MYO7A: variants seen among roughly 807,000 people sequenced by gnomAD.
The protein encoded by MYO7A is myosin VIIA.
A neutral mutation model predicts 263.8 loss-of-function variants in MYO7A; 210 were observed. The ratio of observed to expected loss-of-function variants is 0.80; its 90% CI spans 0.71 to 0.89. The LOEUF (loss-of-function observed/expected upper bound fraction) is 0.89, where lower values mean the gene tolerates loss of function less well. MYO7A is among the 40% of genes least tolerant of loss of function. The pLI is 0.00. For missense variants in MYO7A, 2,820 were observed against 2,968.3 expected (o/e 0.95, Z 1.16); for synonymous variants, 1,239 against 1,197.3 (o/e 1.03, Z -0.72).
intron 14 of MYO7A, among the ~76,000 whole-genome samples, chr11:77,163,355 G>T (rs1555070512): frequency 6.6e-6 from 1 of 152,108 alleles, no homozygotes; most frequent in East Asian, 1.9e-4. Context: ...ATATGCTATG[G>T]CCATACATCG....
At chr11:77,130,772 C>A in intron 2 of MYO7A, 120 bp downstream of exon 2, 1 of 1,128,742 alleles carries the variant, frequency 8.9e-7, no homozygotes, top group Non-Finnish European at 1.3e-6. Flanking sequence ...GCCTAGGCTT[C>A]CAAACCCAGC....
rs1369655767 is a variant in MYO7A at position 77,138,519 on chromosome 11, G to T, written c.19-4190G>T. Among the ~76,000 whole-genome samples, 2 of 152,230 alleles carry T rather than the reference G, an allele frequency of 1.3e-5. No individual in the cohort carries two copies. The highest frequency in any genetic ancestry group is 1.9e-4 in the East Asian group (1 of 5,196). ...AGCTGGGCGGGCCACAAACAGGGTCGCTAGGCTTCAGGGTGTGCATGGACT... is the reference window on the plus strand; with the variant it reads ...AGCTGGGCGGGCCACAAACAGGGTCTCTAGGCTTCAGGGTGTGCATGGACT... On this transcript the variant is annotated intron_variant, in intron 2 of 48. Coordinates refer to ENST00000409709, the MANE Select transcript of MYO7A (RefSeq NM_000260.4). This position sits in a 1 kb window ranked among gnomAD's most constrained non-coding sequence, Gnocchi z 4.9.
chr11:77,163,128 C>CCATTTTAGTCAAGTTCA, intron 14 of MYO7A, 140 bp downstream of exon 14: 1 of 901,912 alleles, frequency 1.1e-6, no homozygotes, highest in South Asian at 2.1e-5. Flanking sequence ...ATGAACTTGA[C>CCATTTTAGTCAAGTTCA]TAAAATGGCC....
intron 4 of MYO7A, among the ~76,000 whole-genome samples, chr11:77,155,568 A>G (rs1390901953): frequency 6.6e-6 from 1 of 152,256 alleles, no homozygotes; most frequent in Non-Finnish European, 1.5e-5. Flanking sequence ...CAGAGTACCT[A>G]GTGTGTGCCA....
intron 18 of MYO7A, 122 bp downstream of exon 18, chr11:77,175,586 G>T: frequency 4.1e-6 from 4 of 965,898 alleles, no homozygotes; most frequent in East Asian, 4.8e-5. Context: ...CCGGGCTGTG[G>T]TGTGGCTGGA....
rs1277502960 is a variant in MYO7A at position 77,162,910 on chromosome 11, T to C, written c.1612T>C (p.Tyr538His). 1.2e-6 allele frequency: 2 copies of C among 1,613,594 alleles called. No individual in the cohort carries two copies. Among genetic ancestry groups the C allele is most frequent in the African/African-American group, 2.7e-5 (2 of 74,822 alleles). Residue 538 changes from tyrosine (Y) to histidine (H), a missense_variant, in exon 14 of 49, where the codon TAC (tyrosine) becomes CAC (histidine). By Grantham distance (83) the Tyr-to-His change is moderately conservative (BLOSUM62 2). Transcript: ENST00000409709. ...CTCCCAGCACAAGCTCAACGCCAAC[T>C]ACATCCCCCCCAAGAACAACCATGA... ...LNSQHKLNAN[Y>H]IPPKNNHETQ...
Position 77,156,767 on chromosome 11 carries a change from C to T in MYO7A, c.578C>T (p.Thr193Ile), listed in dbSNP as rs1188616455. Residue 193 changes from threonine to isoleucine, a missense_variant, in exon 6 of 49, where the codon ACC becomes ATC. By Grantham distance (89) the Thr-to-Ile change is moderately conservative. Transcript: ENST00000409709. ...SWIEQQVLEA[T>I]PILEAFGNAK... ...ATTGAGCAGCAGGTCTTGGAGGCCA[C>T]CCCCATTCTGGAAGGTAGGACCAGA... The T allele has an allele frequency of 2.5e-6, 4 of 1,613,884 alleles. No individual in the cohort carries two copies. The highest frequency in any genetic ancestry group is 1.7e-5 in the Admixed American group (1 of 60,008).
rs1565478215 is a variant in MYO7A at position 77,206,395 on chromosome 11, CA to C, written c.5742+195del. 2.0e-5 allele frequency among the ~76,000 whole-genome samples: 3 copies of C among 152,332 alleles called. No individual in the cohort carries two copies. The East Asian group carries it at 5.8e-4, about 29-fold the overall frequency. Reference sequence around the variant, plus strand: ...GGTCAGGGGCCCTTGGTTCCTGATCCAACCCCTGCTTCCTGGAGCAGCTTCC... The same window carrying C: ...GGTCAGGGGCCCTTGGTTCCTGATCCACCCCTGCTTCCTGGAGCAGCTTCC... On this transcript the variant is annotated intron_variant, in intron 41 of 48. Coordinates refer to ENST00000409709, the MANE Select transcript of MYO7A (RefSeq NM_000260.4).
chr11:77,193,616 C>T (rs1956408388), intron 31 of MYO7A, among the ~76,000 whole-genome samples: 1 of 151,376 alleles, frequency 6.6e-6, no homozygotes, highest in Non-Finnish European at 1.5e-5. Flanking sequence ...AGCAAATATT[C>T]AGGCGGAGTG....
Position 77,179,892 on chromosome 11 carries a change from C to G in MYO7A, c.2525C>G (p.Thr842Ser), listed in dbSNP as rs1555082898. ...CGCCACCGCCTCTGGGCTGTGCTCA[C>G]CGTGCAGGCCTATGCCCGGGGCATG... ...AFRHRLWAVLTVQAYARGMIA... is the reference protein window; with the variant it reads ...AFRHRLWAVLSVQAYARGMIA... The change falls in exon 21 of 49, where the codon ACC (threonine) becomes AGC (serine). Residue 842 changes from threonine to serine, a missense_variant. Physicochemically the swap from Thr to Ser is moderately conservative, Grantham distance 58. Coordinates refer to ENST00000409709, the MANE Select transcript of MYO7A (RefSeq NM_000260.4). The G allele has an allele frequency of 9.7e-6, 15 of 1,539,852 alleles. 1 individual carries two copies. The South Asian group carries it at 1.5e-4, about 16-fold the overall frequency.
chr11:77,202,931 G>T, intron 37 of MYO7A, 129 bp from the exon 38 acceptor site: 3 of 1,194,946 alleles, frequency 2.5e-6, no homozygotes, highest in Non-Finnish European at 3.5e-6. Flanking sequence ...GCAGGGAAGA[G>T]CAGGGCCTGG....
intron 32 of MYO7A, among the ~76,000 whole-genome samples, chr11:77,195,280 C>T (rs1326993690): frequency 6.6e-6 from 1 of 152,088 alleles, no homozygotes; most frequent in East Asian, 1.9e-4. Flanking sequence ...GTGCTCCCTG[C>T]GCCAGCCTGC....
rs369737168 is a variant in MYO7A, at chr11:77,180,429, G to A, written c.2642G>A (p.Arg881Gln). 28 of 1,612,220 alleles carry A rather than the reference G, an allele frequency of 1.7e-5. No individual in the cohort carries two copies. The highest frequency in any genetic ancestry group is 2.2e-5 in the Non-Finnish European group (26 of 1,179,786). The change falls in exon 22 of 49, where the codon CGG becomes CAG. Residue 881 changes from arginine to glutamine, a missense_variant. Arg to Gln is a conservative substitution (Grantham distance 43). Transcript: ENST00000409709. The part of the protein sequence containing the change: ...KMRLAEEEKL[R>Q]KEMSAKKAKE... ...CGGCTGGCGGAGGAAGAGAAGCTTC[G>A]GAAGGAGATGAGCGCCAAGAAGGCC...
At position 77,130,301 on chromosome 11, in the gene MYO7A, G is replaced by A. The variant is rs543977902; in HGVS notation, c.-46-288G>A. Among the ~76,000 whole-genome samples, 25 of 152,376 alleles carry A rather than the reference G, an allele frequency of 1.6e-4. No individual in the cohort carries two copies. In the South Asian group the frequency reaches 3.1e-3, roughly 19 times the overall value. ...TGGTCCCTCTCTGGGCCCCTTTGCC[G>A]TAGGTCCCTGGTGGGGCCAGACTTG... On this transcript the variant is annotated intron_variant, in intron 1 of 48. Coordinates refer to ENST00000409709, the MANE Select transcript of MYO7A (RefSeq NM_000260.4).
At position 77,194,646 on chromosome 11, in the gene MYO7A, C is replaced by G. The variant is rs182663693; in HGVS notation, c.4323+122C>G. 18 of 1,061,342 alleles carry G rather than the reference C, an allele frequency of 1.7e-5. No individual in the cohort carries two copies. The Admixed American group carries it at 4.3e-4, about 25-fold the overall frequency. 65.7% of individuals were successfully genotyped at this position (1,061,342 alleles called of 1,614,324 possible). On this transcript the variant is annotated intron_variant, in intron 32 of 48. Transcript: ENST00000409709. ...GGATGGGATGGCACCTTCCAGTGGC[C>G]CTTCCTTCATTGGACATCAGCTCAC...
At chr11:77,137,493 G>A (rs976625613) in intron 2 of MYO7A, among the ~76,000 whole-genome samples, 1 of 152,208 alleles carries the variant, frequency 6.6e-6, no homozygotes, top group Admixed American at 6.5e-5. Flanking sequence ...AGGGGAGGAG[G>A]ACAAAGATAG....
chr11:77,154,963 T>C (rs1952308192), intron 4 of MYO7A, among the ~76,000 whole-genome samples: 1 of 152,162 alleles, frequency 6.6e-6, no homozygotes, highest in African/African-American at 2.4e-5. Context: ...TGTGATGCAC[T>C]GAGCCCTGAA....
At chr11:77,214,462 G>T in intron 48 of MYO7A, 145 bp from the exon 49 acceptor site, 1 of 670,460 alleles carries the variant, frequency 1.5e-6, no homozygotes. Context: ...CTTCAATTGT[G>T]CAGATGGGAG....
chr11:77,189,243 G>A, intron 27 of MYO7A, 101 bp from the exon 28 acceptor site: 1 of 1,523,680 alleles, frequency 6.6e-7, no homozygotes, highest in Non-Finnish European at 8.8e-7. Flanking sequence ...GCAAGTTGGA[G>A]AGGACAGCTG....
Sources: gnomAD v4.1 joint callset for allele counts (sites outside exome capture counted in the v4.1 genomes callset) on GRCh38, gnomAD v4.1.1 for gene constraint, Gnocchi (gnomAD v3.1) non-coding constraint, MANE v1.5 for transcripts, NCBI Gene and HGNC (gene_info 2026-07-23, HGNC 2026-07-21) for gene names.